Variants in IMMP2L observed in about 807,000 individuals in gnomAD.
The protein encoded by IMMP2L is mitochondrial inner membrane protease subunit 2.
Under a neutral mutation model 19.3 loss-of-function variants are expected in IMMP2L, and 18 were observed. That is an observed-to-expected ratio of 0.93 (90% confidence interval 0.64 to 1.38). IMMP2L has a LOEUF of 1.38. Among genes scored for constraint, IMMP2L ranks in the 40% most tolerant of loss-of-function variants. The pLI is 0.00. For synonymous variants in IMMP2L, 76 were observed against 73.0 expected (o/e 1.04, Z -0.21); for missense variants, 233 against 218.2 (o/e 1.07, Z -0.43).
chr7:111,306,363 G>A (rs1467975421), intron 3 of IMMP2L, among the ~76,000 whole-genome samples: 2 of 152,060 alleles, frequency 1.3e-5, no homozygotes, highest in East Asian at 1.9e-4. Flanking sequence ...CCAGTTTGGT[G>A]GGGGATACTG....
chr7:111,005,713 G>A (rs1276628087), intron 3 of IMMP2L, among the ~76,000 whole-genome samples: 3 of 152,154 alleles, frequency 2.0e-5, no homozygotes, highest in Non-Finnish European at 4.4e-5. Flanking sequence ...GAAAGAATCT[G>A]ATTCCTTTTA....
chr7:110,835,922 G>A (rs1308028426), intron 5 of IMMP2L, among the ~76,000 whole-genome samples: 1 of 152,072 alleles, frequency 6.6e-6, no homozygotes, highest in Non-Finnish European at 1.5e-5. Flanking sequence ...TGCAGAGCAT[G>A]GCATATGCTG....
intron 3 of IMMP2L, among the ~76,000 whole-genome samples, chr7:111,109,820 AGTTAATGGAAAGG>A (rs1798982841): frequency 6.6e-6 from 1 of 152,170 alleles, no homozygotes; most frequent in African/African-American, 2.4e-5. Flanking sequence ...GGAAAACTGA[AGTTAATGGAAAGG>A]GCCCTTAAAA....
At chr7:111,369,116 A>T (rs1830052750) in intron 3 of IMMP2L, among the ~76,000 whole-genome samples, 1 of 151,936 alleles carries the variant, frequency 6.6e-6, no homozygotes, top group African/African-American at 2.4e-5. Context: ...TCATAGAAAT[A>T]AAATGTTACA....
At chr7:111,152,365 C>T (rs1003715577) in intron 3 of IMMP2L, among the ~76,000 whole-genome samples, 1 of 151,988 alleles carries the variant, frequency 6.6e-6, no homozygotes, top group African/African-American at 2.4e-5. Flanking sequence ...TTTCCTTAGG[C>T]TCTTCCTCAA....
chr7:111,491,126 C>T (rs1170729032), intron 2 of IMMP2L, among the ~76,000 whole-genome samples: 1 of 151,996 alleles, frequency 6.6e-6, no homozygotes, highest in East Asian at 1.9e-4. Context: ...ACTTAAGAAA[C>T]AAAAATATAT....
intron 4 of IMMP2L, among the ~76,000 whole-genome samples, chr7:110,890,390 GA>G (rs1810674092): frequency 1.3e-5 from 2 of 152,152 alleles, no homozygotes; most frequent in South Asian, 4.1e-4. Flanking sequence ...TCGAGCTATA[GA>G]AGAACCCTGG....
At chr7:110,900,645 AT>A (rs1456099995) in intron 4 of IMMP2L, among the ~76,000 whole-genome samples, 1 of 152,198 alleles carries the variant, frequency 6.6e-6, no homozygotes, top group Non-Finnish European at 1.5e-5. Context: ...TGTATCTGAG[AT>A]TCCCAACCTT....
At chr7:111,192,039 A>G (rs557479935) in intron 3 of IMMP2L, among the ~76,000 whole-genome samples, 14 of 152,188 alleles carry the variant, frequency 9.2e-5, no homozygotes, top group African/African-American at 3.1e-4. Flanking sequence ...ACTGGCACAG[A>G]GCAACCTTAT....
rs539128372 is a variant in IMMP2L at position 111,507,109 on chromosome 7, G to A, written c.135+14204C>T. ...TCAAGCCTTGGCCTCCCCAAGTGCT[G>A]GGATTATAGGCGTGAGCCACTACAC... On this transcript the variant is annotated intron_variant, in intron 2 of 5. Coordinates refer to ENST00000405709, the MANE Select transcript of IMMP2L (RefSeq NM_032549.4). Among the ~76,000 whole-genome samples, 4 of 152,288 alleles carry A rather than the reference G, an allele frequency of 2.6e-5. No individual in the cohort carries two copies. The East Asian group carries it at 7.7e-4, about 29-fold the overall frequency.
chr7:110,687,647 C>T (rs534789672), intron 5 of IMMP2L, among the ~76,000 whole-genome samples: 23 of 151,210 alleles, frequency 1.5e-4, no homozygotes, highest in Non-Finnish European at 7.4e-5. Context: ...ATTAGAAATA[C>T]ACTTTTAAAA....
intron 3 of IMMP2L, among the ~76,000 whole-genome samples, chr7:111,278,147 G>A (rs560770997): frequency 6.6e-6 from 1 of 152,132 alleles, no homozygotes; most frequent in South Asian, 2.1e-4. Flanking sequence ...TGGGTGATGG[G>A]TACACTGAAA....
At chr7:110,844,055 C>T (rs927149871) in intron 5 of IMMP2L, among the ~76,000 whole-genome samples, 1 of 152,132 alleles carries the variant, frequency 6.6e-6, no homozygotes, top group African/African-American at 2.4e-5. Flanking sequence ...AGTGACATGA[C>T]AGGATTTGCA....
At chr7:110,802,341 G>A (rs202205699) in intron 5 of IMMP2L, among the ~76,000 whole-genome samples, 6 of 22,098 alleles carry the variant, frequency 2.7e-4, no homozygotes, top group East Asian at 2.2e-3. Context: ...ATGTGTGTGT[G>A]TGTGTGTGTG....
intron 5 of IMMP2L, among the ~76,000 whole-genome samples, chr7:110,814,166 T>C (rs547492647): frequency 6.6e-5 from 10 of 151,982 alleles, no homozygotes; most frequent in Admixed American, 1.3e-4. Flanking sequence ...TCTAAACGCA[T>C]AGTCAAGCAA....
chr7:111,406,586 C>T (rs1474521015), intron 3 of IMMP2L, among the ~76,000 whole-genome samples: 2 of 152,066 alleles, frequency 1.3e-5, no homozygotes, highest in Non-Finnish European at 2.9e-5. Flanking sequence ...TACTGTCAAG[C>T]ATGGTCCTGC....
intron 3 of IMMP2L, among the ~76,000 whole-genome samples, chr7:111,437,218 G>A (rs1198458846): frequency 6.6e-6 from 1 of 151,734 alleles, no homozygotes; most frequent in Non-Finnish European, 1.5e-5. Flanking sequence ...GGCCAAGGCG[G>A]GTGGATCACC....
At chr7:110,912,763 C>T (rs963020044) in intron 4 of IMMP2L, among the ~76,000 whole-genome samples, 1 of 152,020 alleles carries the variant, frequency 6.6e-6, no homozygotes, top group African/African-American at 2.4e-5. Context: ...TTGCTACTTG[C>T]TCCTAAGTTG....
intron 3 of IMMP2L, among the ~76,000 whole-genome samples, chr7:111,155,231 T>C (rs187769867): frequency 1.3e-5 from 2 of 152,208 alleles, no homozygotes; most frequent in Non-Finnish European, 2.9e-5. Flanking sequence ...GGAATGCAGA[T>C]ATCATTGCAG....
Sources: allele counts gnomAD v4.1 joint callset (sites outside exome capture counted in the v4.1 genomes callset), GRCh38; gene constraint gnomAD v4.1.1; transcripts MANE v1.5; gene names NCBI Gene and HGNC (gene_info 2026-07-23, HGNC 2026-07-21).